Variants in RAB3C observed in about 807,000 individuals in gnomAD.
RAB3C encodes ras-related protein Rab-3C.
In RAB3C, 17 loss-of-function variants were observed where a neutral mutation model predicts 26.4. The ratio of observed to expected loss-of-function variants is 0.64; its 90% CI spans 0.44 to 0.97. RAB3C has a LOEUF of 0.97. Ranked by LOEUF, RAB3C falls within the 50% of genes least tolerant of loss-of-function variation. RAB3C has a pLI of 0.00. For synonymous variants in RAB3C, 91 were observed against 95.9 expected (o/e 0.95, Z 0.30); for missense variants, 242 against 281.9 (o/e 0.86, Z 1.01).
chr5:58,582,973 C>T (rs1475971237), upstream of RAB3C: 9 of 1,172,254 alleles, frequency 7.7e-6, no homozygotes, highest in African/African-American at 4.6e-5. Flanking sequence ...GTTCACCGCT[C>T]GCCCGTTTGC....
At chr5:58,677,632 C>T (rs1748256057) in intron 2 of RAB3C, among the ~76,000 whole-genome samples, 1 of 152,132 alleles carries the variant, frequency 6.6e-6, no homozygotes. Context: ...CACCAATGCT[C>T]AATAAATTTC....
chr5:58,647,925 T>C (rs2111780317), intron 2 of RAB3C, among the ~76,000 whole-genome samples: 1 of 152,314 alleles, frequency 6.6e-6, no homozygotes, highest in East Asian at 1.9e-4. Context: ...TAAATCAATG[T>C]GGTTATCATG....
At chr5:58,773,953 T>C (rs2111991388) in intron 3 of RAB3C, among the ~76,000 whole-genome samples, 1 of 152,242 alleles carries the variant, frequency 6.6e-6, no homozygotes, top group Middle Eastern at 3.4e-3. Flanking sequence ...TCAGCAGTCT[T>C]TTCACGTGTC....
At chr5:58,636,935 A>G (rs1286432435) in intron 2 of RAB3C, among the ~76,000 whole-genome samples, 1 of 152,198 alleles carries the variant, frequency 6.6e-6, no homozygotes, top group African/African-American at 2.4e-5. Context: ...GGAAAACCTG[A>G]TGAGGAGCAT....
intron 4 of RAB3C, among the ~76,000 whole-genome samples, chr5:58,841,340 G>C (rs1015038255): frequency 6.6e-6 from 1 of 152,180 alleles, no homozygotes; most frequent in Non-Finnish European, 1.5e-5. Context: ...TGCTGTGCAG[G>C]ACCAGAGTCA....
At chr5:58,586,000 T>G (rs1746000608) in intron 1 of RAB3C, among the ~76,000 whole-genome samples, 1 of 152,046 alleles carries the variant, frequency 6.6e-6, no homozygotes, top group Admixed American at 6.6e-5. Flanking sequence ...TTCTCATGAC[T>G]TGAGGACAAG....
chr5:58,696,651 AG>A (rs918287130), intron 2 of RAB3C, among the ~76,000 whole-genome samples: 1 of 152,060 alleles, frequency 6.6e-6, no homozygotes, highest in Non-Finnish European at 1.5e-5. Context: ...TAATCTTGGG[AG>A]TGTGTATGTG....
chr5:58,597,333 T>TATGTAATACA (rs375954687), intron 1 of RAB3C, among the ~76,000 whole-genome samples: 998 of 1,190 alleles, frequency 0.84, 481 homozygotes, highest in Admixed American at 0.98. Flanking sequence ...TATTATATAA[T>TATGTAATACA]CATTATATAT....
chr5:58,801,334 TTCATCA>T (rs1742804783), intron 3 of RAB3C, among the ~76,000 whole-genome samples: 2 of 152,140 alleles, frequency 1.3e-5, no homozygotes, highest in Non-Finnish European at 2.9e-5. Context: ...CATGCAGTAT[TTCATCA>T]TAGTGTAATC....
At chr5:58,625,856 C>A (rs1010546822) in intron 2 of RAB3C, among the ~76,000 whole-genome samples, 462 of 122,006 alleles carry the variant, frequency 3.8e-3, no homozygotes, top group Middle Eastern at 8.8e-3. Context: ...GACTCTGTCT[C>A]AAAAAAAAAA....
chr5:58,647,725 A>G (rs1747553504), intron 2 of RAB3C: 1 of 152,230 alleles, frequency 6.6e-6, no homozygotes, highest in Non-Finnish European at 1.5e-5. Flanking sequence ...AGTAACCACC[A>G]TAAAATTTTT....
chr5:58,836,856 C>T (rs1743759390), intron 4 of RAB3C, among the ~76,000 whole-genome samples: 1 of 152,114 alleles, frequency 6.6e-6, no homozygotes, highest in African/African-American at 2.4e-5. Context: ...GTGCAGATGT[C>T]TCTTTGATAT....
chr5:58,848,295 A>G (rs1450417455), intron 4 of RAB3C: 1 of 152,222 alleles, frequency 6.6e-6, no homozygotes, highest in Non-Finnish European at 1.5e-5. Context: ...CATTTGGTTT[A>G]CTGGCAGTGT....
chr5:58,642,964 G>A (rs1484440676), intron 2 of RAB3C, among the ~76,000 whole-genome samples: 1 of 152,174 alleles, frequency 6.6e-6, no homozygotes, highest in Non-Finnish European at 1.5e-5. Context: ...AAGGTCACAT[G>A]TGATGAATTG....
intron 2 of RAB3C, among the ~76,000 whole-genome samples, chr5:58,687,103 TG>T (rs1446195872): frequency 6.6e-6 from 1 of 152,154 alleles, no homozygotes; most frequent in Non-Finnish European, 1.5e-5. Context: ...TAATCATCTT[TG>T]TTTCTTTTAG....
intron 2 of RAB3C, among the ~76,000 whole-genome samples, chr5:58,655,627 T>C (rs1247211479): frequency 1.3e-5 from 2 of 152,104 alleles, no homozygotes. Flanking sequence ...GGAAACATTA[T>C]TTGGAGAATT....
intron 3 of RAB3C, among the ~76,000 whole-genome samples, chr5:58,819,794 G>A (rs1194924354): frequency 5.3e-5 from 8 of 152,090 alleles, no homozygotes; most frequent in Admixed American, 3.9e-4. Context: ...CGTGAGAATT[G>A]CTTGAAACTG....
intron 3 of RAB3C, among the ~76,000 whole-genome samples, chr5:58,793,315 T>G (rs1166245026): frequency 6.6e-6 from 1 of 152,106 alleles, no homozygotes; most frequent in African/African-American, 2.4e-5. Flanking sequence ...TCCCAGCACT[T>G]TGGGGGGCCG....
intron 2 of RAB3C, among the ~76,000 whole-genome samples, chr5:58,662,532 A>T (rs771986212): frequency 6.0e-5 from 9 of 150,308 alleles, no homozygotes; most frequent in Non-Finnish European, 8.8e-5. Flanking sequence ...CAGCAACCAC[A>T]TGGGGAAGGT....
Sources: gnomAD v4.1 joint callset for allele counts (sites outside exome capture counted in the v4.1 genomes callset) on GRCh38, gnomAD v4.1.1 for gene constraint, MANE v1.5 for transcripts, NCBI Gene and HGNC (gene_info 2026-07-23, HGNC 2026-07-21) for gene names.